The following HDAC1 variants were observed in gnomAD, a reference collection of about 807,000 sequenced individuals.
HDAC1 encodes the protein histone deacetylase 1, also known as protein deacetylase HDAC1.
In HDAC1, 18 loss-of-function variants were observed where a neutral mutation model predicts 65.5. That is an observed-to-expected ratio of 0.27 (90% CI 0.19 to 0.41). The LOEUF (loss-of-function observed/expected upper bound fraction) is 0.41, where lower values mean the gene tolerates loss of function less well. Among genes scored for constraint, HDAC1 ranks in the 10% least tolerant of loss-of-function variants. The pLI, the probability that HDAC1 is intolerant of heterozygous loss-of-function variation, is 1.00. For synonymous variants in HDAC1, 211 were observed against 227.9 expected (o/e 0.93, Z 0.67); for missense variants, 373 against 625.2 (o/e 0.60, Z 4.30).
chr1:32,292,266 G>A lies in HDAC1; in HGVS notation c.49+48G>A, dbSNP rs1405279573. 3.2e-6 allele frequency: 5 copies of A among 1,545,856 alleles called. No homozygotes were observed. The East Asian group carries it at 7.3e-5, about 23-fold the overall frequency. The stretch of plus-strand genomic sequence containing the variant: ...GGGCGGGGCCAGGCCGGGCCGGACC[G>A]GGAACCTGGAGGCTGAGGCTGGAGC... On this transcript the variant is annotated intron_variant, in intron 1 of 13. Coordinates refer to ENST00000373548, the MANE Select transcript of HDAC1 (RefSeq NM_004964.3).
At chr1:32,320,692 G>A (rs1363379798) in intron 3 of HDAC1, among the ~76,000 whole-genome samples, 1 of 151,822 alleles carries the variant, frequency 6.6e-6, no homozygotes, top group Non-Finnish European at 1.5e-5. Context: ...TTGAGGCCAG[G>A]AGTTTGAGAC....
rs1054309786 is a variant in HDAC1 at position 32,292,160 on chromosome 1, G to A, written c.-10G>A. 1.2e-5 allele frequency: 19 copies of A among 1,548,350 alleles called. No individual in the cohort carries two copies. Among genetic ancestry groups the A allele is most frequent in the Non-Finnish European group, 1.7e-5 (19 of 1,146,302 alleles). ...GGACCGACTGACGGTAGGGACGGGA[G>A]GCGAGCAAGATGGCGCAGACGCAGG... On this transcript the variant is annotated 5_prime_UTR_variant, in exon 1 of 14. Transcript: ENST00000373548.
chr1:32,292,243 G>A (rs1640707928), intron 1 of HDAC1, 25 bp downstream of exon 1: 3 of 1,547,738 alleles, frequency 1.9e-6, no homozygotes, highest in African/African-American at 1.4e-5. Context: ...CGCGGCGGGG[G>A]CGGGGCCAGG....
chr1:32,306,339 G>A (rs1260190852), intron 2 of HDAC1, among the ~76,000 whole-genome samples: 1 of 151,886 alleles, frequency 6.6e-6, no homozygotes, highest in Non-Finnish European at 1.5e-5. Context: ...TGTATTTTTG[G>A]TAGAGATGGG....
rs578108575 is a variant in HDAC1 at position 32,326,264 on chromosome 1, G to A, written c.356-675G>A. 1.1e-4 allele frequency among the ~76,000 whole-genome samples: 16 copies of A among 151,660 alleles called. No homozygotes were observed. The South Asian group carries it at 3.4e-3, about 32-fold the overall frequency. ...CAACCTCCGCCTCCTGGGTTCAAGC[G>A]ATTCTCCTGCCTCAGCCTCCCCAGG... On this transcript the variant is annotated intron_variant, in intron 4 of 13. Transcript: ENST00000373548.
intron 1 of HDAC1, among the ~76,000 whole-genome samples, chr1:32,296,048 G>A (rs1266604862): frequency 2.0e-5 from 3 of 152,316 alleles, no homozygotes; most frequent in Non-Finnish European, 4.4e-5. Context: ...TTGTCACTGT[G>A]TAGAGGAATT....
In HDAC1 at chr1:32,324,548, C is replaced by T. The variant is rs1641190706; in HGVS notation, c.350C>T (p.Ser117Phe). ...TTCTGTCAGTTGTCTACTGGTGGTTCTGTGGGTAAGGAATATTCATCTTCT... is the reference window on the plus strand; with the variant it reads ...TTCTGTCAGTTGTCTACTGGTGGTTTTGTGGGTAAGGAATATTCATCTTCT... ...FEFCQLSTGG[S>F]VASAVKLNKQ... The change falls in exon 4 of 14, where the codon TCT (serine) becomes TTT (phenylalanine). Residue 117 changes from serine to phenylalanine, a missense_variant. Physicochemically the swap from Ser to Phe is radical, Grantham distance 155 (BLOSUM62 -2). Around this residue, in one of 4 missense-constraint regions of HDAC1, gnomAD observed 62 missense variants for 180.0 expected, o/e 0.34. Transcript: ENST00000373548. 6.2e-7 allele frequency: 1 copy of T among 1,606,958 alleles called. No individual in the cohort carries two copies. The highest frequency in any genetic ancestry group is 8.5e-7 in the Non-Finnish European group (1 of 1,173,458).
Position 32,324,480 on chromosome 1 carries a change from C to G in HDAC1, c.282C>G (p.Phe94Leu). The stretch of plus-strand genomic sequence containing the variant: ...AACCTTTTGCTTATTTCTTTCAAGT[C>G]AACGTTGGTGAGGACTGTCCAGTAT... Reference protein sequence around the residue: ...MSEYSKQMQRFNVGEDCPVFD... With the variant: ...MSEYSKQMQRLNVGEDCPVFD... Residue 94 changes from phenylalanine to leucine, a missense_variant and splice_region_variant, in exon 4 of 14, where the codon TTC (phenylalanine) becomes TTG (leucine). Physicochemically the swap from Phe to Leu is conservative, Grantham distance 22. This residue lies in a region of HDAC1 where 80 missense variants were observed against 126.3 expected (regional missense o/e 0.63). Coordinates refer to ENST00000373548, the MANE Select transcript of HDAC1 (RefSeq NM_004964.3). 1 of 1,608,150 alleles carries G rather than the reference C, an allele frequency of 6.2e-7. No homozygotes were observed. The highest frequency in any genetic ancestry group is 8.5e-7 in the Non-Finnish European group (1 of 1,174,694).
rs540623726 is a variant in HDAC1 at position 32,304,328 on chromosome 1, C to T, written c.162+1595C>T. 8.5e-5 allele frequency among the ~76,000 whole-genome samples: 13 copies of T among 152,210 alleles called. No homozygotes were observed. The South Asian group carries it at 1.0e-3, about 12-fold the overall frequency. Reference sequence around the variant, plus strand: ...GAGGAGAAGACAGACCTTGGGACTACGGAGCTTTTTTAGGTGTGAAGGCAG... The same window carrying T: ...GAGGAGAAGACAGACCTTGGGACTATGGAGCTTTTTTAGGTGTGAAGGCAG... On this transcript the variant is annotated intron_variant, in intron 2 of 13. Transcript: ENST00000373548.
chr1:32,300,085 T>C (rs1412243875), intron 1 of HDAC1, among the ~76,000 whole-genome samples: 3 of 151,736 alleles, frequency 2.0e-5, no homozygotes, highest in East Asian at 2.0e-4. Context: ...GAAAATCCAA[T>C]GTAGCTTTTA....
intron 2 of HDAC1, among the ~76,000 whole-genome samples, chr1:32,316,251 T>C (rs935951300): frequency 6.7e-6 from 1 of 149,480 alleles, no homozygotes; most frequent in Admixed American, 6.6e-5. Context: ...GCCACTGCAC[T>C]CTAGCCTGGG....
At chr1:32,297,299 T>G (rs980931062) in intron 1 of HDAC1, among the ~76,000 whole-genome samples, 1 of 152,148 alleles carries the variant, frequency 6.6e-6, no homozygotes, top group Non-Finnish European at 1.5e-5. Flanking sequence ...CCCAGTAGTT[T>G]GGGAGGCCAA....
chr1:32,317,650 C>T (rs1490585373), intron 3 of HDAC1, among the ~76,000 whole-genome samples: 1 of 152,160 alleles, frequency 6.6e-6, no homozygotes, highest in Non-Finnish European at 1.5e-5. Context: ...GATGGCAGAA[C>T]CACAGAGACC....
intron 2 of HDAC1, among the ~76,000 whole-genome samples, chr1:32,303,200 C>T (rs1370681306): frequency 6.6e-6 from 1 of 152,018 alleles, no homozygotes; most frequent in Non-Finnish European, 1.5e-5. Flanking sequence ...TGCGGTGGCT[C>T]ATGCCTGTCA....
Position 32,327,958 on chromosome 1 carries a change from C to T in HDAC1, c.636+281C>T, listed in dbSNP as rs1641241670. On this transcript the variant is annotated intron_variant, in intron 6 of 13. Transcript: ENST00000373548. The surrounding 1 kb of genome is among the most constrained non-coding windows in gnomAD (Gnocchi z 6.0). Reference sequence around the variant, plus strand: ...TCACACTATTCTTATGTCTCATAAGCCTTGAGTTTGGGGGTAGGAATTGGG... The same window carrying T: ...TCACACTATTCTTATGTCTCATAAGTCTTGAGTTTGGGGGTAGGAATTGGG... Among the ~76,000 whole-genome samples, 1 of 152,120 alleles carries T rather than the reference C, an allele frequency of 6.6e-6. No homozygotes were observed. The highest frequency in any genetic ancestry group is 1.9e-4 in the East Asian group (1 of 5,190).
At chr1:32,308,953 C>T (rs1000912348) in intron 2 of HDAC1, among the ~76,000 whole-genome samples, 4 of 152,170 alleles carry the variant, frequency 2.6e-5, no homozygotes, top group Non-Finnish European at 5.9e-5. Flanking sequence ...GCTGGAACTA[C>T]ACTGTGTGCT....
At chr1:32,297,280 G>A (rs1418652555) in intron 1 of HDAC1, among the ~76,000 whole-genome samples, 3 of 152,154 alleles carry the variant, frequency 2.0e-5, no homozygotes, top group African/African-American at 4.8e-5. Context: ...GGTGGTTCAC[G>A]CCTGTAATCC....
Position 32,327,241 on chromosome 1 carries a change from T to C in HDAC1, c.494+164T>C. 1.5e-6 allele frequency: 1 copy of C among 685,974 alleles called. No homozygotes were observed. The highest frequency in any genetic ancestry group is 1.8e-5 in the South Asian group (1 of 55,120). 42.5% of individuals were successfully genotyped at this position (685,974 alleles called of 1,614,324 possible). A position where few individuals can be genotyped will look rare whatever the true frequency, so the allele number is the denominator to read the frequency against. On this transcript the variant is annotated intron_variant, in intron 5 of 13. Coordinates refer to ENST00000373548, the MANE Select transcript of HDAC1 (RefSeq NM_004964.3). The surrounding 1 kb of genome is among the most constrained non-coding windows in gnomAD (Gnocchi z 6.0). ...ATCATCTCCTTGATGGGGTCTTGGT[T>C]TGATCTGAGCCACGGCATGATCAGG...
chr1:32,309,237 C>T (rs1439446803), intron 2 of HDAC1, among the ~76,000 whole-genome samples: 1 of 152,138 alleles, frequency 6.6e-6, no homozygotes, highest in Non-Finnish European at 1.5e-5. Flanking sequence ...AGCAAACATG[C>T]AATTTATATG....
Sources: allele counts gnomAD v4.1 joint callset (sites outside exome capture counted in the v4.1 genomes callset), GRCh38; gene constraint gnomAD v4.1.1; regional missense constraint gnomAD v4.1.1; non-coding constraint Gnocchi (gnomAD v3.1); transcripts MANE v1.5; gene names NCBI Gene and HGNC (gene_info 2026-07-23, HGNC 2026-07-21).